PRTG: variants seen among roughly 807,000 people sequenced by gnomAD.
The protein encoded by PRTG is protogenin, also known as immunoglobulin superfamily, DCC subclass, member 5.
In PRTG, 67 loss-of-function variants were observed where a neutral mutation model predicts 122.5. That is an observed-to-expected ratio of 0.55 (90% CI 0.45 to 0.67). The LOEUF (loss-of-function observed/expected upper bound fraction) is 0.67, where lower values mean the gene tolerates loss of function less well. Among genes scored for constraint, PRTG ranks in the 30% least tolerant of loss-of-function variants. The probability of loss-of-function intolerance (pLI) is 0.00; values close to 1 mark genes in which losing one functional copy is unlikely to be tolerated. For missense variants in PRTG, 1,435 were observed against 1,415.4 expected (o/e 1.01, Z -0.22); for synonymous variants, 554 against 501.1 (o/e 1.11, Z -1.41).
At chr15:55,623,877 C>T (rs188635524) in intron 18 of PRTG, among the ~76,000 whole-genome samples, 87 of 152,288 alleles carry the variant, frequency 5.7e-4, no homozygotes, top group Non-Finnish European at 6.2e-4. Context: ...TATTTAGATG[C>T]TCCATATTTT....
intron 11 of PRTG, among the ~76,000 whole-genome samples, chr15:55,662,265 G>A (rs901503080): frequency 6.6e-6 from 1 of 152,266 alleles, no homozygotes; most frequent in East Asian, 1.9e-4. Flanking sequence ...CAGCACGCAA[G>A]TAAAAGGTAT....
chr15:55,622,687 G>T (rs1021367044), intron 18 of PRTG, among the ~76,000 whole-genome samples: 1 of 151,692 alleles, frequency 6.6e-6, no homozygotes, highest in Non-Finnish European at 1.5e-5. Context: ...CACCGCGCCC[G>T]GCCACACCTG....
intron 11 of PRTG, among the ~76,000 whole-genome samples, chr15:55,665,540 A>C (rs2059434949): frequency 6.6e-6 from 1 of 151,306 alleles, no homozygotes; most frequent in Non-Finnish European, 1.5e-5. Context: ...AGTGGTTAAA[A>C]AAATTTTTTC....
chr15:55,642,735 GA>G (rs1567080476), intron 11 of PRTG, among the ~76,000 whole-genome samples: 1 of 151,890 alleles, frequency 6.6e-6, no homozygotes, highest in South Asian at 2.1e-4. Context: ...AACCAATCTG[GA>G]AAACGACGTG....
At chr15:55,731,293 C>T (rs145140117) in intron 2 of PRTG, among the ~76,000 whole-genome samples, 1,588 of 151,520 alleles carry the variant, frequency 0.01, 11 homozygotes, top group Non-Finnish European at 0.016. Flanking sequence ...CTTTAAATCC[C>T]ATCAGGGGAC....
intron 13 of PRTG, 83 bp from the exon 14 acceptor site, chr15:55,638,759 G>T: frequency 8.3e-7 from 1 of 1,207,542 alleles, no homozygotes; most frequent in Non-Finnish European, 1.2e-6. Context: ...AAATAGGTAA[G>T]GGCATAATGT....
At chr15:55,674,706 G>A (rs942719294) in intron 9 of PRTG, among the ~76,000 whole-genome samples, 1 of 152,098 alleles carries the variant, frequency 6.6e-6, no homozygotes, top group Non-Finnish European at 1.5e-5. Context: ...GGAAAAAAAG[G>A]AGATTTGGAG....
chr15:55,695,648 G>C (rs141161495), intron 2 of PRTG, among the ~76,000 whole-genome samples: 7 of 152,316 alleles, frequency 4.6e-5, no homozygotes, highest in Non-Finnish European at 1.0e-4. Flanking sequence ...TAAGTCACCA[G>C]TCAGTAGCTC....
At chr15:55,643,959 G>C (rs943105056) in intron 11 of PRTG, among the ~76,000 whole-genome samples, 8 of 151,124 alleles carry the variant, frequency 5.3e-5, no homozygotes, top group Admixed American at 4.6e-4. Flanking sequence ...CACTTACCTG[G>C]GCTCAGGTAA....
chr15:55,688,974 A>C (rs1237250472), intron 2 of PRTG, among the ~76,000 whole-genome samples: 1 of 152,058 alleles, frequency 6.6e-6, no homozygotes, highest in Non-Finnish European at 1.5e-5. Flanking sequence ...GAGACTACTT[A>C]CTCTTTCTGT....
intron 14 of PRTG, among the ~76,000 whole-genome samples, 190 bp from the exon 15 acceptor site, chr15:55,637,530 A>T (rs759409888): frequency 6.6e-6 from 1 of 152,190 alleles, no homozygotes; most frequent in Admixed American, 6.5e-5. Flanking sequence ...ATACTCAAAC[A>T]TTAAAACACA....
intron 11 of PRTG, among the ~76,000 whole-genome samples, chr15:55,644,390 C>T (rs552865022): frequency 6.6e-6 from 1 of 152,256 alleles, no homozygotes; most frequent in African/African-American, 2.4e-5. Context: ...ATGCAAACAA[C>T]TTCAATCAAT....
chr15:55,654,595 G>A (rs559886522), intron 11 of PRTG, among the ~76,000 whole-genome samples: 125 of 152,262 alleles, frequency 8.2e-4, no homozygotes, highest in African/African-American at 2.6e-3. Flanking sequence ...AAAAGCATCC[G>A]AAGTAGAACA....
At chr15:55,629,411 G>T (rs887870363) in intron 15 of PRTG, among the ~76,000 whole-genome samples, 12 of 126,398 alleles carry the variant, frequency 9.5e-5, no homozygotes, top group Admixed American at 6.7e-4. Flanking sequence ...GTGTGTGTGT[G>T]TGTGTGTGTG....
intron 2 of PRTG, among the ~76,000 whole-genome samples, chr15:55,718,867 C>T (rs577888183): frequency 7.2e-5 from 11 of 152,108 alleles, no homozygotes; most frequent in Admixed American, 2.6e-4. Flanking sequence ...CTCAGCCTCT[C>T]GAGTAGCTGT....
intron 11 of PRTG, among the ~76,000 whole-genome samples, chr15:55,669,766 G>A (rs7178365): frequency 6.6e-6 from 1 of 152,176 alleles, no homozygotes; most frequent in Non-Finnish European, 1.5e-5. Context: ...CCAGGGGTGC[G>A]GAACCTGCTG....
chr15:55,718,617 C>T (rs1344945131), intron 2 of PRTG, among the ~76,000 whole-genome samples: 1 of 122,914 alleles, frequency 8.1e-6, no homozygotes, highest in Non-Finnish European at 1.9e-5. Flanking sequence ...TTGTTGCTCA[C>T]AAAAAACAAA....
intron 11 of PRTG, among the ~76,000 whole-genome samples, chr15:55,650,375 G>C (rs950201333): frequency 6.6e-6 from 1 of 152,180 alleles, no homozygotes; most frequent in African/African-American, 2.4e-5. Flanking sequence ...CTTCACAGAG[G>C]AGGTGGCATT....
At chr15:55,670,352 C>T (rs1336573309) in intron 11 of PRTG, among the ~76,000 whole-genome samples, 2 of 152,068 alleles carry the variant, frequency 1.3e-5, no homozygotes, top group African/African-American at 4.8e-5. Flanking sequence ...CATATTTTAA[C>T]AGTGAGAAAA....
Sources: allele counts gnomAD v4.1 joint callset (sites outside exome capture counted in the v4.1 genomes callset), GRCh38; gene constraint gnomAD v4.1.1; transcripts MANE v1.5; gene names NCBI Gene and HGNC (gene_info 2026-07-23, HGNC 2026-07-21).